The following LCOR variants were observed in gnomAD, a reference collection of about 807,000 sequenced individuals.
LCOR encodes ligand-dependent corepressor.
A neutral mutation model predicts 64.4 loss-of-function variants in LCOR; 14 were observed. The observed-to-expected ratio is 0.22, with a 90% CI of 0.14 to 0.34. LCOR has a LOEUF of 0.34. Ranked by LOEUF, LCOR falls within the 10% of genes least tolerant of loss-of-function variation. LCOR has a pLI of 1.00. For synonymous variants in LCOR, 643 were observed against 642.5 expected (o/e 1.00, Z -0.01); for missense variants, 1,686 against 1,765.3 (o/e 0.96, Z 0.80).
At chr10:96,921,740 T>A (rs1159388285) in intron 4 of LCOR, among the ~76,000 whole-genome samples, 1 of 152,168 alleles carries the variant, frequency 6.6e-6, no homozygotes, top group African/African-American at 2.4e-5. Flanking sequence ...CGAGGATTAC[T>A]GGTGTAAGCC....
intron 2 of LCOR, among the ~76,000 whole-genome samples, chr10:96,854,742 A>G (rs1212483101): frequency 6.6e-6 from 1 of 152,228 alleles, no homozygotes; most frequent in Non-Finnish European, 1.5e-5. Context: ...TCTTTTGTAT[A>G]GAAACAGACT....
intron 2 of LCOR, among the ~76,000 whole-genome samples, chr10:96,876,983 C>G (rs1005712270): frequency 1.3e-5 from 2 of 152,174 alleles, no homozygotes; most frequent in African/African-American, 4.8e-5. Context: ...GCGTGAGCCA[C>G]TGCACCTGGC....
intron 4 of LCOR, among the ~76,000 whole-genome samples, chr10:96,934,456 T>A (rs181701391): frequency 2.6e-5 from 4 of 152,286 alleles, no homozygotes; most frequent in Admixed American, 2.6e-4. Flanking sequence ...CTTCTAGGCA[T>A]ATATGCTCCT....
At chr10:96,904,863 A>G (rs1221468425) in intron 2 of LCOR, among the ~76,000 whole-genome samples, 1 of 152,208 alleles carries the variant, frequency 6.6e-6, no homozygotes. Context: ...TAAATTCAAT[A>G]TTTAGTATTA....
At chr10:96,835,761 CTTCTA>C (rs1845431653) in intron 2 of LCOR, among the ~76,000 whole-genome samples, 1 of 151,944 alleles carries the variant, frequency 6.6e-6, no homozygotes, top group Non-Finnish European at 1.5e-5. Flanking sequence ...CGAATTCTCC[CTTCTA>C]TTAGTACTTT....
chr10:96,841,146 G>T (rs1845532692), intron 2 of LCOR, among the ~76,000 whole-genome samples: 1 of 151,950 alleles, frequency 6.6e-6, no homozygotes, highest in African/African-American at 2.4e-5. Flanking sequence ...CCTGTCTCAG[G>T]AAAAAAGAGA....
At chr10:96,975,483 G>C (rs7090690) in intron 7 of LCOR, among the ~76,000 whole-genome samples, 29,811 of 151,440 alleles carry the variant, frequency 0.2, 5,049 homozygotes, top group African/African-American at 0.46. Flanking sequence ...AACATACACA[G>C]CCTAACAACC....
At chr10:96,946,204 C>G (rs1380613612) in intron 5 of LCOR, among the ~76,000 whole-genome samples, 1 of 151,960 alleles carries the variant, frequency 6.6e-6, no homozygotes, top group Admixed American at 6.6e-5. Flanking sequence ...TAAATTAATA[C>G]CAAAAATGTT....
intron 7 of LCOR, among the ~76,000 whole-genome samples, chr10:96,953,438 C>G (rs1478506225): frequency 6.6e-6 from 1 of 152,088 alleles, no homozygotes; most frequent in African/African-American, 2.4e-5. Flanking sequence ...TGTAGTCCAG[C>G]TACTAAGGAG....
intron 7 of LCOR, among the ~76,000 whole-genome samples, chr10:96,979,610 GC>G (rs1189016081): frequency 1.3e-5 from 2 of 152,170 alleles, no homozygotes; most frequent in Non-Finnish European, 2.9e-5. Flanking sequence ...GGAGAATGTA[GC>G]AAGTGGGCCT....
intron 7 of LCOR, chr10:96,958,505 G>A: frequency 1.2e-6 from 1 of 816,934 alleles, no homozygotes; most frequent in South Asian, 1.4e-5. Context: ...ATTGTAGGCT[G>A]AGAGTTGTAA....
intron 2 of LCOR, among the ~76,000 whole-genome samples, chr10:96,892,017 G>A (rs1237897007): frequency 6.6e-6 from 1 of 152,126 alleles, no homozygotes; most frequent in East Asian, 1.9e-4. Flanking sequence ...GTGGTCTAAC[G>A]TGTTGCCCTA....
chr10:96,926,430 CA>C (rs1449657883), intron 4 of LCOR, among the ~76,000 whole-genome samples: 1 of 152,136 alleles, frequency 6.6e-6, no homozygotes, highest in Non-Finnish European at 1.5e-5. Flanking sequence ...ATCTTTGTGA[CA>C]TATCTTTGTG....
At chr10:96,866,966 T>C (rs1181920512) in intron 2 of LCOR, among the ~76,000 whole-genome samples, 1 of 152,148 alleles carries the variant, frequency 6.6e-6, no homozygotes, top group Non-Finnish European at 1.5e-5. Flanking sequence ...TGCCAGATTT[T>C]TCGTATTTGT....
chr10:96,952,289 C>T (rs777507279), intron 7 of LCOR, 93 bp downstream of exon 7: 40 of 804,742 alleles, frequency 5.0e-5, no homozygotes, highest in Admixed American at 1.3e-4. Context: ...AAAAAATAAC[C>T]CTTCTAAGTA....
chr10:96,957,466 A>G (rs551803758), intron 7 of LCOR: 1 of 985,328 alleles, frequency 1.0e-6, no homozygotes, highest in East Asian at 1.1e-4. Context: ...TAAAATTACT[A>G]TTTGTGCAAA....
chr10:96,955,104 G>C, intron 7 of LCOR: 2 of 1,614,158 alleles, frequency 1.2e-6, no homozygotes, highest in Non-Finnish European at 1.7e-6. Context: ...GATTAGTGAA[G>C]AACTACTGAG....
intron 2 of LCOR, among the ~76,000 whole-genome samples, chr10:96,862,105 G>A (rs1305538853): frequency 6.6e-6 from 1 of 152,162 alleles, no homozygotes; most frequent in Non-Finnish European, 1.5e-5. Flanking sequence ...AAAGATACAG[G>A]TGAAGAGATG....
intron 4 of LCOR, among the ~76,000 whole-genome samples, chr10:96,939,834 G>A (rs757407027): frequency 6.6e-6 from 1 of 152,160 alleles, no homozygotes; most frequent in Non-Finnish European, 1.5e-5. Flanking sequence ...CTGATGGCAC[G>A]CGCCTGTAGT....
Sources: gnomAD v4.1 joint callset for allele counts (sites outside exome capture counted in the v4.1 genomes callset) on GRCh38, gnomAD v4.1.1 for gene constraint, MANE v1.5 for transcripts, NCBI Gene and HGNC (gene_info 2026-07-23, HGNC 2026-07-21) for gene names.